Variants in PGRMC2 observed in about 807,000 individuals in gnomAD.
PGRMC2 encodes progesterone receptor membrane component 2, also known as membrane-associated progesterone receptor component 2.
In PGRMC2, 9 loss-of-function variants were observed where a neutral mutation model predicts 19.3. The ratio of observed to expected loss-of-function variants is 0.47; its 90% confidence interval spans 0.28 to 0.81. The LOEUF (loss-of-function observed/expected upper bound fraction) is 0.81, where lower values mean the gene tolerates loss of function less well. Among genes scored for constraint, PGRMC2 ranks in the 40% least tolerant of loss-of-function variants. The pLI is 0.11. For synonymous variants in PGRMC2, 157 were observed against 124.6 expected (o/e 1.26, Z -1.73); for missense variants, 289 against 297.3 (o/e 0.97, Z 0.21).
At chr4:128,279,098 C>T (rs1760863151) in intron 1 of PGRMC2, among the ~76,000 whole-genome samples, 2 of 152,022 alleles carry the variant, frequency 1.3e-5, no homozygotes, top group Non-Finnish European at 2.9e-5. Context: ...ATCCCAGCTA[C>T]TCGGGAGGCT....
chr4:128,285,383 C>G (rs2110565434), intron 1 of PGRMC2, among the ~76,000 whole-genome samples: 1 of 152,308 alleles, frequency 6.6e-6, no homozygotes, highest in South Asian at 2.1e-4. Context: ...CCCGCCTCGG[C>G]CTCCCAAAGC....
In PGRMC2 at chr4:128,287,644, C is replaced by T. The variant is rs569644360; in HGVS notation, c.147G>A (p.Thr49=). The T allele has an allele frequency of 6.5e-6, 10 of 1,537,414 alleles. No individual in the cohort carries two copies. In the African/African-American group the frequency reaches 1.1e-4, roughly 17 times the overall value. The stretch of plus-strand genomic sequence containing the variant: ...CGTTCAGCAGCATTTCCCCGCCCCC[C>T]GTCAGAAGCGCCAACGCCGCCGCCG... The part of the protein sequence containing the change: ...GWAAAALALL[T]GGGEMLLNVA... Residue 49 remains threonine, a synonymous_variant, in exon 1 of 3, where the codon ACG becomes ACA. Transcript: ENST00000296425.
chr4:128,272,280 G>T, intron 2 of PGRMC2, 82 bp downstream of exon 2: 1 of 787,372 alleles, frequency 1.3e-6, no homozygotes, highest in Non-Finnish European at 1.8e-6. Context: ...GACATCCTTA[G>T]GCTCTTAAAG....
Position 128,272,513 on chromosome 4 carries a change from ACCCGCTGG to A in PGRMC2, c.419-4_422del. On this transcript the variant is annotated splice_acceptor_variant and splice_polypyrimidine_tract_variant and coding_sequence_variant and intron_variant, in exon 2 of 3. Coordinates refer to ENST00000296425, the MANE Select transcript of PGRMC2 (RefSeq NM_006320.6). LOFTEE classifies it high-confidence loss of function. ...CCCTACCAGCAAATATTCCATATGG[ACCCGCTGG>A]AAAAAAGAAAATAAATTATTTAGAT... 6.8e-7 allele frequency: 1 copy of A among 1,471,440 alleles called. No individual in the cohort carries two copies. Among genetic ancestry groups the A allele is most frequent in the Non-Finnish European group, 9.0e-7 (1 of 1,111,712 alleles). 91.1% of individuals were successfully genotyped at this position (1,471,440 alleles called of 1,614,324 possible).
intron 1 of PGRMC2, among the ~76,000 whole-genome samples, chr4:128,281,294 T>A (rs1413250885): frequency 6.6e-6 from 1 of 152,204 alleles, no homozygotes; most frequent in Non-Finnish European, 1.5e-5. Flanking sequence ...TTTGCTTATT[T>A]ATTAAGAAAT....
rs1267290333 is a variant in PGRMC2, at chr4:128,269,560, A to G, written c.*1756T>C. The G allele has an allele frequency of 6.6e-6, 1 of 152,216 alleles. No homozygotes were observed. The allele number at this position is 152,216 out of a possible 1,614,324, so 9.4% of individuals were successfully genotyped here. On this transcript the variant is annotated 3_prime_UTR_variant, in exon 3 of 3. Coordinates refer to ENST00000296425, the MANE Select transcript of PGRMC2 (RefSeq NM_006320.6). ...TCTACAAAACACTCCAAGACTGAAT[A>G]GAATGTAGTATTTTACATACTTTAG... is the stretch of plus-strand genomic sequence containing the variant.
intron 1 of PGRMC2, among the ~76,000 whole-genome samples, chr4:128,274,380 G>A (rs1291482052): frequency 2.6e-5 from 4 of 152,022 alleles, no homozygotes; most frequent in South Asian, 2.1e-4. Flanking sequence ...CTGTGGTGGC[G>A]CACGCCTGTA....
intron 2 of PGRMC2, among the ~76,000 whole-genome samples, chr4:128,271,867 T>C (rs1760735248): frequency 1.3e-5 from 2 of 152,210 alleles, no homozygotes; most frequent in African/African-American, 4.8e-5. Flanking sequence ...TTTATCTACA[T>C]TTCGAGTGTT....
chr4:128,275,668 G>A (rs1430303084), intron 1 of PGRMC2, among the ~76,000 whole-genome samples: 1 of 152,126 alleles, frequency 6.6e-6, no homozygotes, highest in Non-Finnish European at 1.5e-5. Context: ...TTTAACTTCT[G>A]CAAAGGTCTT....
rs765024862 is a variant in PGRMC2, at chr4:128,287,355, C to A, written c.418+18G>T. On this transcript the variant is annotated intron_variant, in intron 1 of 2. Transcript: ENST00000296425. ...TTCAGCTGCAGGGGGTCCTTCCCCTCCCCTTCCAACTCCTCACCCGGGCCG... is the reference window on the plus strand; with the variant it reads ...TTCAGCTGCAGGGGGTCCTTCCCCTACCCTTCCAACTCCTCACCCGGGCCG... 6.3e-6 allele frequency: 10 copies of A among 1,582,688 alleles called. No homozygotes were observed. The African/African-American group carries it at 1.2e-4, about 19-fold the overall frequency.
intron 1 of PGRMC2, among the ~76,000 whole-genome samples, chr4:128,280,319 T>C (rs1561616803): frequency 9.3e-6 from 1 of 107,996 alleles, no homozygotes; most frequent in East Asian, 2.8e-4. Flanking sequence ...ACAGAGATAA[T>C]GGAAGAGGCA....
At chr4:128,274,249 G>A (rs748972053) in intron 1 of PGRMC2, among the ~76,000 whole-genome samples, 3 of 152,096 alleles carry the variant, frequency 2.0e-5, no homozygotes, top group Non-Finnish European at 2.9e-5. Flanking sequence ...ACCAGGCCAG[G>A]TGCGGTGGCT....
At chr4:128,284,079 G>T (rs1760949488) in intron 1 of PGRMC2, among the ~76,000 whole-genome samples, 1 of 151,710 alleles carries the variant, frequency 6.6e-6, no homozygotes, top group Non-Finnish European at 1.5e-5. Flanking sequence ...CCAAAGTGCT[G>T]GGATTACACG....
intron 1 of PGRMC2, among the ~76,000 whole-genome samples, chr4:128,280,663 T>C (rs960675204): frequency 1.3e-5 from 2 of 152,090 alleles, no homozygotes; most frequent in African/African-American, 4.8e-5. Context: ...TTGAGTGCAG[T>C]GGTGTTATCA....
intron 1 of PGRMC2, among the ~76,000 whole-genome samples, chr4:128,277,332 C>A (rs1364924461): frequency 6.6e-6 from 1 of 152,196 alleles, no homozygotes; most frequent in African/African-American, 2.4e-5. Flanking sequence ...TACTTTAATA[C>A]AATCAGTTAG....
intron 1 of PGRMC2, among the ~76,000 whole-genome samples, chr4:128,277,262 T>C (rs764347482): frequency 1.3e-5 from 2 of 152,208 alleles, no homozygotes; most frequent in African/African-American, 4.8e-5. Flanking sequence ...TCAATCCAAC[T>C]TGTGGTCAAG....
intron 1 of PGRMC2, among the ~76,000 whole-genome samples, chr4:128,282,485 C>T (rs551193905): frequency 1.3e-4 from 20 of 152,184 alleles, no homozygotes; most frequent in African/African-American, 4.6e-4. Flanking sequence ...AACACAAATA[C>T]GATTCCCTCA....
chr4:128,271,124 G>GC lies in PGRMC2; in HGVS notation c.*191dup, dbSNP rs1760722384. 2.4e-6 allele frequency: 1 copy of GC among 413,530 alleles called. No individual in the cohort carries two copies. The highest frequency in any genetic ancestry group is 4.3e-6 in the Non-Finnish European group (1 of 231,284). The allele number at this position is 413,530 out of a possible 1,614,324, so 25.6% of individuals were successfully genotyped here. A position where few individuals can be genotyped will look rare whatever the true frequency, so the allele number is the denominator to read the frequency against. On this transcript the variant is annotated 3_prime_UTR_variant, in exon 3 of 3. Transcript: ENST00000296425. ...GCCCCACTAGACATTACAAACAACT[G>GC]CAACAAATGAGTTTGGCAGCATAAA...
At chr4:128,284,598 C>G (rs1333524887) in intron 1 of PGRMC2, among the ~76,000 whole-genome samples, 1 of 151,900 alleles carries the variant, frequency 6.6e-6, no homozygotes, top group African/African-American at 2.4e-5. Flanking sequence ...AGAGCCTGAA[C>G]TTTAAAAATG....
Sources: allele counts gnomAD v4.1 joint callset (sites outside exome capture counted in the v4.1 genomes callset), GRCh38; gene constraint gnomAD v4.1.1; transcripts MANE v1.5; gene names NCBI Gene and HGNC (gene_info 2026-07-23, HGNC 2026-07-21).